The following RPL32 variants were observed in gnomAD, a reference collection of about 807,000 sequenced individuals.
RPL32 encodes large ribosomal subunit protein eL32.
For synonymous variants in RPL32, 61 were observed against 62.6 expected (o/e 0.98, Z 0.12); for missense variants, 117 against 173.7 (o/e 0.67, Z 1.83).
Position 12,840,131 on chromosome 3 carries a change from G to A in RPL32, c.96+11C>T, listed in dbSNP as rs1444698676. ...TCACCCCACACCCATTTCCATCCCA[G>A]GACCACATACCTTAATTTTGACATA... On this transcript the variant is annotated intron_variant, in intron 2 of 3. Coordinates refer to ENST00000429711, the MANE Select transcript of RPL32 (RefSeq NM_000994.4). 5 of 1,606,204 alleles carry A rather than the reference G, an allele frequency of 3.1e-6. No homozygotes were observed. In the African/African-American group the frequency reaches 4.0e-5, roughly 13 times the overall value.
At chr3:12,840,524 C>T in intron 1 of RPL32, 1 of 562,128 alleles carries the variant, frequency 1.8e-6, no homozygotes, top group Non-Finnish European at 3.5e-6. Context: ...CCAAGACACT[C>T]TCAATTTGCA....
In RPL32 at chr3:12,834,583, G is replaced by A. The variant is rs1308831617; in HGVS notation, c.*1511C>T. Reference sequence around the variant, plus strand: ...GTTGGGTAGGGAACTGGACAGGCTTGGACCTCATGTTTCATTTCTAATTTC... The same window carrying A: ...GTTGGGTAGGGAACTGGACAGGCTTAGACCTCATGTTTCATTTCTAATTTC... On this transcript the variant is annotated 3_prime_UTR_variant, in exon 4 of 4. Coordinates refer to ENST00000429711, the MANE Select transcript of RPL32 (RefSeq NM_000994.4). The A allele has an allele frequency of 6.5e-6, 1 of 152,940 alleles. No individual in the cohort carries two copies. Among genetic ancestry groups the A allele is most frequent in the Admixed American group, 6.5e-5 (1 of 15,406 alleles). 9.5% of individuals were successfully genotyped at this position (152,940 alleles called of 1,614,324 possible). A position where few individuals can be genotyped will look rare whatever the true frequency, so the allele number is the denominator to read the frequency against.
intron 3 of RPL32, among the ~76,000 whole-genome samples, chr3:12,838,717 A>G (rs1307670670): frequency 1.3e-5 from 2 of 152,092 alleles, no homozygotes; most frequent in African/African-American, 2.4e-5. Flanking sequence ...GGTTTCCACA[A>G]CCTCTTACTG....
At chr3:12,837,947 A>C (rs2062112337) in intron 3 of RPL32, among the ~76,000 whole-genome samples, 1 of 152,204 alleles carries the variant, frequency 6.6e-6, no homozygotes, top group Admixed American at 6.5e-5. Context: ...AAACACCTAG[A>C]ACTAGCTGGG....
chr3:12,840,108 A>C (rs200335946), intron 2 of RPL32, 34 bp downstream of exon 2: 1 of 1,511,924 alleles, frequency 6.6e-7, no homozygotes, highest in African/African-American at 1.4e-5. Flanking sequence ...TCTTTTCTTC[A>C]CCCCACACCC....
rs1486983176 is a variant in RPL32 at position 12,836,060 on chromosome 3, A to G, written c.*34T>C. The G allele has an allele frequency of 7.5e-6, 12 of 1,604,632 alleles. No homozygotes were observed. The South Asian group carries it at 1.1e-4, about 15-fold the overall frequency. ...GAAGATGCCAGATGGCAGTTTTTAC[A>G]TTTATTTAAACAGAAAACGTGCACA... On this transcript the variant is annotated 3_prime_UTR_variant, in exon 4 of 4. Transcript: ENST00000429711.
intron 3 of RPL32, among the ~76,000 whole-genome samples, chr3:12,837,025 TTA>T (rs1014977376): frequency 3.5e-4 from 54 of 152,356 alleles, no homozygotes; most frequent in African/African-American, 1.3e-3. Flanking sequence ...AATTCTTGTT[TTA>T]TATGAGTCCA....
rs375728137 is a variant in RPL32 at position 12,838,403 on chromosome 3, C to T, written c.278+946G>A. ...CCCCGGCAAGAGAGCAAGACTTCAT[C>T]TTAAAAAACAAAAACCAATAAAACC... On this transcript the variant is annotated intron_variant, in intron 3 of 3. Transcript: ENST00000429711. Among the ~76,000 whole-genome samples, 9 of 152,292 alleles carry T rather than the reference C, an allele frequency of 5.9e-5. No homozygotes were observed. The East Asian group carries it at 1.7e-3, about 29-fold the overall frequency.
intron 3 of RPL32, among the ~76,000 whole-genome samples, chr3:12,837,354 T>C (rs2062107823): frequency 6.6e-6 from 1 of 152,266 alleles, no homozygotes; most frequent in Non-Finnish European, 1.5e-5. Context: ...TGCCTGCTTT[T>C]CCATTCCTTA....
At chr3:12,837,037 A>G (rs1043168037) in intron 3 of RPL32, among the ~76,000 whole-genome samples, 1 of 152,210 alleles carries the variant, frequency 6.6e-6, no homozygotes, top group Admixed American at 6.5e-5. Context: ...ATATGAGTCC[A>G]CTCAAATTCA....
At chr3:12,839,161 A>T in intron 3 of RPL32, 188 bp downstream of exon 3, 1 of 627,156 alleles carries the variant, frequency 1.6e-6, no homozygotes, top group South Asian at 2.0e-5. Context: ...CCTTCAGCAA[A>T]GGAAACACCT....
At chr3:12,839,155 C>T in intron 3 of RPL32, 194 bp downstream of exon 3, 1 of 620,548 alleles carries the variant, frequency 1.6e-6, no homozygotes, top group East Asian at 2.7e-5. Flanking sequence ...TCACCTCCTT[C>T]AGCAAAGGAA....
At position 12,839,930 on chromosome 3, in the gene RPL32, G is replaced by A. The variant is rs539656031; in HGVS notation, c.96+212C>T. Among the ~76,000 whole-genome samples the A allele has an allele frequency of 4.6e-5, 7 of 152,200 alleles. 2 individuals are homozygous for A. The highest frequency in any genetic ancestry group is 4.6e-4 in the Admixed American group (7 of 15,286). On this transcript the variant is annotated intron_variant, in intron 2 of 3. Transcript: ENST00000429711. ...CAAAGCCCTCTGAACACATCAAAACGGCCAAATGTCCCTTTTCATTAAAGT... is the reference window on the plus strand; with the variant it reads ...CAAAGCCCTCTGAACACATCAAAACAGCCAAATGTCCCTTTTCATTAAAGT...
rs11553819 is a variant in RPL32, at chr3:12,839,511, C to G, written c.116G>C (p.Arg39Thr). ...VKIKRNWRKP[R>T]GIDNRVRRRF... is the part of the protein sequence containing the mutation. ...TCTACGAACCCTGTTGTCAATGCCTCTGGGTTTCCGCCAGTTACGCTGAAG... is the reference window on the plus strand; with the variant it reads ...TCTACGAACCCTGTTGTCAATGCCTGTGGGTTTCCGCCAGTTACGCTGAAG... Residue 39 changes from arginine (R) to threonine (T), a missense_variant, in exon 3 of 4, where the codon AGA (arginine) becomes ACA (threonine). By Grantham distance (71) the Arg-to-Thr change is moderately conservative. Transcript: ENST00000429711. 2.5e-6 allele frequency: 4 copies of G among 1,614,186 alleles called. No homozygotes were observed. Among genetic ancestry groups the G allele is most frequent in the Non-Finnish European group, 3.4e-6 (4 of 1,180,038 alleles).
At position 12,836,243 on chromosome 3, in the gene RPL32, G is replaced by A. The variant is rs765277755; in HGVS notation, c.279-20C>T. The A allele has an allele frequency of 1.3e-6, 2 of 1,599,338 alleles. No homozygotes were observed. The highest frequency in any genetic ancestry group is 1.1e-5 in the South Asian group (1 of 91,066). On this transcript the variant is annotated intron_variant, in intron 3 of 3. Transcript: ENST00000429711. ...TAAGATCTGCAAGAGAATCAAGTAGGTAAGGAGCAAGACAGCCCTCAACAC... is the reference window on the plus strand; with the variant it reads ...TAAGATCTGCAAGAGAATCAAGTAGATAAGGAGCAAGACAGCCCTCAACAC...
intron 3 of RPL32, 111 bp from the exon 4 acceptor site, chr3:12,836,334 A>C: frequency 7.5e-7 from 1 of 1,337,974 alleles, no homozygotes. Context: ...CTGCTTGGTA[A>C]GTGGCTGTGG....
chr3:12,839,379 T>C lies in RPL32; in HGVS notation c.248A>G (p.Lys83Arg), dbSNP rs2062126745. The C allele has an allele frequency of 1.2e-6, 2 of 1,614,138 alleles. No individual in the cohort carries two copies. The highest frequency in any genetic ancestry group is 1.7e-6 in the Non-Finnish European group (2 of 1,179,986). The change falls in exon 3 of 4, where the codon AAG (lysine) becomes AGG (arginine). Residue 83 changes from lysine to arginine, a missense_variant. Transcript: ENST00000429711. Reference sequence around the variant, plus strand: ...GCACATCAGCAGCACTTCCAGCTCCTTGACGTTGTGGACCAGGAACTTCCG... The same window carrying C: ...GCACATCAGCAGCACTTCCAGCTCCCTGACGTTGTGGACCAGGAACTTCCG... Reference protein sequence around the residue: ...GFRKFLVHNVKELEVLLMCNK... With the variant: ...GFRKFLVHNVRELEVLLMCNK...
chr3:12,840,574 A>G (rs2062143793), intron 1 of RPL32: 2 of 490,254 alleles, frequency 4.1e-6, no homozygotes, highest in Non-Finnish European at 8.2e-6. Flanking sequence ...CCGAACCCCC[A>G]GATGGTCCTT....
In RPL32 at chr3:12,834,751, G is replaced by A. The variant is rs1184028975; in HGVS notation, c.*1343C>T. ...GAGGACAAAGAAATACAAGTGGCAG[G>A]CCCAAGTATTTTCTGTGATATCCCA... On this transcript the variant is annotated 3_prime_UTR_variant, in exon 4 of 4. Coordinates refer to ENST00000429711, the MANE Select transcript of RPL32 (RefSeq NM_000994.4). The A allele has an allele frequency of 6.6e-6, 1 of 152,140 alleles. No homozygotes were observed. Among genetic ancestry groups the A allele is most frequent in the African/African-American group, 2.4e-5 (1 of 41,428 alleles). 9.4% of individuals were successfully genotyped at this position (152,140 alleles called of 1,614,324 possible). A position where few individuals can be genotyped will look rare whatever the true frequency, so the allele number is the denominator to read the frequency against.
Sources: gnomAD v4.1 joint callset for allele counts (sites outside exome capture counted in the v4.1 genomes callset) on GRCh38, gnomAD v4.1.1 for gene constraint, MANE v1.5 for transcripts, NCBI Gene and HGNC (gene_info 2026-07-23, HGNC 2026-07-21) for gene names.